TRIM44: variants seen among roughly 807,000 people sequenced by gnomAD.
The protein encoded by TRIM44 is tripartite motif-containing protein 44.
TRIM44 carries 13 observed loss-of-function variants against 37.4 expected under a neutral mutation model. The ratio of observed to expected loss-of-function variants is 0.35; its 90% CI spans 0.23 to 0.55. TRIM44 has a LOEUF of 0.55. TRIM44 is among the 20% of genes least tolerant of loss of function. The pLI, the probability that TRIM44 is intolerant of heterozygous loss-of-function variation, is 0.89. For synonymous variants in TRIM44, 175 were observed against 157.2 expected, an observed-to-expected ratio of 1.11 and a Z score of -0.85; for missense variants, 426 against 437.2, an observed-to-expected ratio of 0.97 and a Z score of 0.23.
chr11:35,778,440 G>A (rs1354614365), intron 4 of TRIM44, among the ~76,000 whole-genome samples: 2 of 152,010 alleles, frequency 1.3e-5, no homozygotes, highest in African/African-American at 4.8e-5. Context: ...ATTACCAATC[G>A]TCTGAAGCCT....
chr11:35,745,335 G>T lies in TRIM44; in HGVS notation c.1007+9890G>T, dbSNP rs145789242. ...TACTTGTATGTCTTCTTTGGAGAAG[G>T]GCGTATTCATGCCCACTTTTTAATG... On this transcript the variant is annotated intron_variant, in intron 4 of 4. Coordinates refer to ENST00000299413, the MANE Select transcript of TRIM44 (RefSeq NM_017583.6). Among the ~76,000 whole-genome samples the T allele has an allele frequency of 1.8e-3, 279 of 152,156 alleles. 2 individuals carry two copies. Among genetic ancestry groups the T allele is most frequent in the African/African-American group, 6.5e-3 (268 of 41,506 alleles).
chr11:35,709,335 A>C (rs994065572), intron 2 of TRIM44, among the ~76,000 whole-genome samples: 2 of 152,202 alleles, frequency 1.3e-5, no homozygotes, highest in Admixed American at 6.5e-5. Flanking sequence ...TTTTTACATA[A>C]AATATTGGCT....
rs550263475 is a variant in TRIM44 at position 35,786,440 on chromosome 11, G to A, written c.1008-19918G>A. ...AGGTTGACTCTTCTTTTAACCAGGT[G>A]GACAGGAAAAGCCACCACACAATGC... On this transcript the variant is annotated intron_variant, in intron 4 of 4. Coordinates refer to ENST00000299413, the MANE Select transcript of TRIM44 (RefSeq NM_017583.6). Among the ~76,000 whole-genome samples the A allele has an allele frequency of 7.2e-4, 110 of 152,228 alleles. 1 individual carries two copies. Among genetic ancestry groups the A allele is most frequent in the Non-Finnish European group, 1.1e-3 (74 of 68,016 alleles).
At chr11:35,676,699 G>A (rs536114206) in intron 1 of TRIM44, among the ~76,000 whole-genome samples, 1 of 152,312 alleles carries the variant, frequency 6.6e-6, no homozygotes, top group Non-Finnish European at 1.5e-5. Flanking sequence ...GGGGAGAGAT[G>A]TAAGGTTAAG....
At chr11:35,793,682 G>A (rs886782551) in intron 4 of TRIM44, among the ~76,000 whole-genome samples, 51 of 152,174 alleles carry the variant, frequency 3.4e-4, no homozygotes, top group Admixed American at 1.4e-3. Context: ...TAGTAATGAG[G>A]CATTACCAAT....
chr11:35,751,536 C>G (rs933955170), intron 4 of TRIM44, among the ~76,000 whole-genome samples: 2 of 152,118 alleles, frequency 1.3e-5, no homozygotes, highest in Non-Finnish European at 2.9e-5. Context: ...TCAATTTTCT[C>G]ATCAGTCATA....
rs1239439876 is a variant in TRIM44, at chr11:35,814,554, T to C, written c.*8169T>C. 6.6e-6 allele frequency: 1 copy of C among 152,174 alleles called. No homozygotes were observed. The highest frequency in any genetic ancestry group is 2.4e-5 in the African/African-American group (1 of 41,444). 9.4% of individuals were successfully genotyped at this position (152,174 alleles called of 1,614,324 possible). On this transcript the variant is annotated 3_prime_UTR_variant, in exon 5 of 5. Coordinates refer to ENST00000299413, the MANE Select transcript of TRIM44 (RefSeq NM_017583.6). ...TAAGATTTAAAAACCCAGATGCATG[T>C]GACTAGAACTATCTTTTCTCCCATG... is the stretch of plus-strand genomic sequence containing the variant.
At chr11:35,702,040 T>G (rs1851794761) in intron 2 of TRIM44, among the ~76,000 whole-genome samples, 1 of 152,158 alleles carries the variant, frequency 6.6e-6, no homozygotes, top group Non-Finnish European at 1.5e-5. Flanking sequence ...CAAAAGCCTC[T>G]CAATTTTGCA....
Position 35,753,093 on chromosome 11 carries a change from C to A in TRIM44, c.1007+17648C>A, listed in dbSNP as rs1852578890. ...GTTTGGAATAGGAAAGTCTTAGATT[C>A]ACTGGATTACATTCTCAGTCTGTCA... On this transcript the variant is annotated intron_variant, in intron 4 of 4. Coordinates refer to ENST00000299413, the MANE Select transcript of TRIM44 (RefSeq NM_017583.6). 2.6e-5 allele frequency among the ~76,000 whole-genome samples: 4 copies of A among 152,276 alleles called. No individual in the cohort carries two copies. In the South Asian group the frequency reaches 8.3e-4, roughly 32 times the overall value.
At chr11:35,781,833 G>A (rs1011674982) in intron 4 of TRIM44, among the ~76,000 whole-genome samples, 8 of 152,186 alleles carry the variant, frequency 5.3e-5, no homozygotes, top group African/African-American at 1.7e-4. Context: ...TCACTGCCTA[G>A]ACCTATGCTT....
intron 2 of TRIM44, among the ~76,000 whole-genome samples, chr11:35,702,467 C>T (rs533191754): frequency 2.0e-5 from 3 of 152,256 alleles, no homozygotes; most frequent in East Asian, 3.9e-4. Flanking sequence ...CGGAATCTGC[C>T]GTATCAGTGG....
chr11:35,752,342 C>T (rs1294301458), intron 4 of TRIM44, among the ~76,000 whole-genome samples: 1 of 152,014 alleles, frequency 6.6e-6, no homozygotes, highest in Non-Finnish European at 1.5e-5. Context: ...CCTGCCAGAC[C>T]TCCCCCGACC....
At position 35,816,451 on chromosome 11, in the gene TRIM44, A is replaced by G. The variant is rs1853581211; in HGVS notation, c.*10066A>G. On this transcript the variant is annotated 3_prime_UTR_variant, in exon 5 of 5. Coordinates refer to ENST00000299413, the MANE Select transcript of TRIM44 (RefSeq NM_017583.6). ...AAAACACTTTTCTGCCTTCTACAGT[A>G]TAAACACAACTGGCATCAGATAATA... 1.3e-5 allele frequency: 2 copies of G among 152,250 alleles called. No homozygotes were observed. The highest frequency in any genetic ancestry group is 6.5e-5 in the Admixed American group (1 of 15,288). 9.4% of individuals were successfully genotyped at this position (152,250 alleles called of 1,614,324 possible). A position where few individuals can be genotyped will look rare whatever the true frequency, so the allele number is the denominator to read the frequency against.
At chr11:35,720,232 A>C (rs7126826) in intron 2 of TRIM44, among the ~76,000 whole-genome samples, 1,640 of 152,172 alleles carry the variant, frequency 0.011, 31 homozygotes, top group African/African-American at 0.038. Context: ...CCTCTTATAG[A>C]TCTTGTACGT....
intron 4 of TRIM44, among the ~76,000 whole-genome samples, chr11:35,751,423 A>G (rs548287095): frequency 2.6e-5 from 4 of 152,338 alleles, no homozygotes; most frequent in Non-Finnish European, 2.9e-5. Flanking sequence ...CCAGGCCTTG[A>G]TGCCAGATGG....
chr11:35,722,780 T>G (rs988435076), intron 2 of TRIM44, among the ~76,000 whole-genome samples: 3 of 152,194 alleles, frequency 2.0e-5, no homozygotes, highest in African/African-American at 7.2e-5. Context: ...CCTAACCTTC[T>G]GGGAAGGCAG....
intron 4 of TRIM44, among the ~76,000 whole-genome samples, chr11:35,775,331 C>A (rs896024236): frequency 9.2e-5 from 14 of 152,166 alleles, no homozygotes; most frequent in African/African-American, 3.4e-4. Context: ...TATCCTGAGA[C>A]TTTGCTGAAG....
chr11:35,750,878 A>C (rs1372427175), intron 4 of TRIM44, among the ~76,000 whole-genome samples: 1 of 152,184 alleles, frequency 6.6e-6, no homozygotes, highest in Non-Finnish European at 1.5e-5. Context: ...AAGGTAATAC[A>C]TATTCCTGGG....
intron 4 of TRIM44, among the ~76,000 whole-genome samples, chr11:35,745,433 A>G (rs1852475480): frequency 6.6e-6 from 1 of 152,132 alleles, no homozygotes; most frequent in Non-Finnish European, 1.5e-5. Context: ...TCAGATGGAT[A>G]GATTGGAAAA....
Sources: allele counts gnomAD v4.1 joint callset (sites outside exome capture counted in the v4.1 genomes callset), GRCh38; gene constraint gnomAD v4.1.1; transcripts MANE v1.5; gene names NCBI Gene and HGNC (gene_info 2026-07-23, HGNC 2026-07-21).